Variants in CACNA2D3 observed in about 807,000 individuals in gnomAD.
CACNA2D3 encodes calcium voltage-gated channel auxiliary subunit alpha2delta 3.
CACNA2D3 carries 60 observed loss-of-function variants against 160.6 expected under a neutral mutation model. The ratio of observed to expected loss-of-function variants is 0.37; its 90% confidence interval spans 0.30 to 0.46. The LOEUF is 0.46. Ranked by LOEUF, CACNA2D3 falls within the 20% of genes least tolerant of loss-of-function variation. The pLI is 1.00. For synonymous variants in CACNA2D3, 558 were observed against 492.9 expected (o/e 1.13, Z -1.75); for missense variants, 1,205 against 1,365.0 (o/e 0.88, Z 1.85).
At chr3:54,691,115 T>C (rs1700562463) in intron 11 of CACNA2D3, among the ~76,000 whole-genome samples, 1 of 152,152 alleles carries the variant, frequency 6.6e-6, no homozygotes, top group Non-Finnish European at 1.5e-5. Context: ...TTGTCAGTTC[T>C]TAGGAGAAGA....
chr3:54,683,962 CTTTTTTTTT>C (rs61481695), intron 11 of CACNA2D3, among the ~76,000 whole-genome samples: 53,470 of 111,536 alleles, frequency 0.48, 12,243 homozygotes, highest in Middle Eastern at 0.56. Flanking sequence ...AAATTTCCAC[CTTTTTTTTT>C]TTTTTTTTTT....
At chr3:54,893,667 G>A (rs555903046) in intron 25 of CACNA2D3, among the ~76,000 whole-genome samples, 1 of 152,188 alleles carries the variant, frequency 6.6e-6, no homozygotes, top group East Asian at 1.9e-4. Flanking sequence ...TTGCTACCCT[G>A]CAATTATCTC....
chr3:54,522,595 TTCCAGAGACTGG>T (rs1161869809), intron 5 of CACNA2D3, among the ~76,000 whole-genome samples: 1 of 152,198 alleles, frequency 6.6e-6, no homozygotes, highest in Admixed American at 6.5e-5. Flanking sequence ...TTGCTCATAG[TTCCAGAGACTGG>T]GAAGTCCAAG....
chr3:54,493,221 G>A (rs986673761), intron 4 of CACNA2D3, among the ~76,000 whole-genome samples: 2 of 151,720 alleles, frequency 1.3e-5, no homozygotes, highest in Admixed American at 6.6e-5. Flanking sequence ...GGGACTACAG[G>A]CGCACACTAC....
In CACNA2D3 at chr3:54,977,465, T is replaced by C. The variant is rs934859964; in HGVS notation, c.2557-7143T>C. On this transcript the variant is annotated intron_variant, in intron 29 of 37. Coordinates refer to ENST00000474759, the MANE Select transcript of CACNA2D3 (RefSeq NM_018398.3). ...TGTACCTGTATTGCATTGCTCAATA[T>C]TTACAGTATTAGGCAAACAGAAAGA... is the stretch of plus-strand genomic sequence containing the variant. 2.0e-5 allele frequency among the ~76,000 whole-genome samples: 3 copies of C among 152,196 alleles called. No individual in the cohort carries two copies. The South Asian group carries it at 6.2e-4, about 32-fold the overall frequency.
At chr3:54,151,174 GGTGGATGGGTGA>G (rs938962843) in intron 2 of CACNA2D3, among the ~76,000 whole-genome samples, 1 of 152,086 alleles carries the variant, frequency 6.6e-6, no homozygotes. Context: ...TGGGTTAATG[GGTGGATGGGTGA>G]ATGGATGGGT....
chr3:54,607,685 A>C (rs1487111024), intron 9 of CACNA2D3, among the ~76,000 whole-genome samples: 1 of 152,202 alleles, frequency 6.6e-6, no homozygotes, highest in Non-Finnish European at 1.5e-5. Context: ...AAACATATGG[A>C]TACTGTATGA....
chr3:54,926,755 G>A (rs1259071935), intron 27 of CACNA2D3, among the ~76,000 whole-genome samples: 1 of 152,116 alleles, frequency 6.6e-6, no homozygotes, highest in African/African-American at 2.4e-5. Context: ...ACTCTTATGA[G>A]GGGTAGTTGA....
chr3:55,055,914 A>G (rs1185802680), intron 35 of CACNA2D3, among the ~76,000 whole-genome samples: 1 of 152,170 alleles, frequency 6.6e-6, no homozygotes, highest in Non-Finnish European at 1.5e-5. Flanking sequence ...TTGACCCCAA[A>G]AGCATAGGCA....
At chr3:54,203,899 G>A (rs962897802) in intron 2 of CACNA2D3, among the ~76,000 whole-genome samples, 14 of 151,792 alleles carry the variant, frequency 9.2e-5, no homozygotes, top group Non-Finnish European at 1.8e-4. Context: ...GGCTAGGGTC[G>A]TCTTGGAAAA....
chr3:54,817,099 G>C (rs1470182265), intron 14 of CACNA2D3, among the ~76,000 whole-genome samples: 1 of 152,202 alleles, frequency 6.6e-6, no homozygotes, highest in African/African-American at 2.4e-5. Flanking sequence ...TGATTGGGAG[G>C]TGAATCTGTG....
At chr3:54,291,016 C>A (rs989410842) in intron 2 of CACNA2D3, among the ~76,000 whole-genome samples, 1 of 152,158 alleles carries the variant, frequency 6.6e-6, no homozygotes, top group East Asian at 1.9e-4. Flanking sequence ...ATGTAACAAC[C>A]CTGCACGTTG....
Position 54,837,151 on chromosome 3 carries a change from C to T in CACNA2D3, c.1399-8C>T. 2 of 1,613,672 alleles carry T rather than the reference C, an allele frequency of 1.2e-6. No individual in the cohort carries two copies. Among genetic ancestry groups the T allele is most frequent in the Middle Eastern group, 1.6e-4 (1 of 6,062 alleles). On this transcript the variant is annotated splice_region_variant and splice_polypyrimidine_tract_variant and intron_variant, in intron 14 of 37. Transcript: ENST00000474759. ...TTCCCCGGTAACTGGCTTTTCTCTT[C>T]CATCCAGCTGACTGATGATCAGGGC...
At chr3:54,256,709 G>A (rs543416168) in intron 2 of CACNA2D3, among the ~76,000 whole-genome samples, 44 of 140,708 alleles carry the variant, frequency 3.1e-4, no homozygotes, top group African/African-American at 1.0e-3. Flanking sequence ...TCGAAATAAA[G>A]CATGTTCTTC....
At chr3:54,456,029 T>A (rs1157541779) in intron 4 of CACNA2D3, among the ~76,000 whole-genome samples, 1 of 152,146 alleles carries the variant, frequency 6.6e-6, no homozygotes, top group African/African-American at 2.4e-5. Flanking sequence ...CTTTGGATAT[T>A]CAGACTCTTA....
At chr3:55,073,700 T>C (rs367567587) in intron 36 of CACNA2D3, 77 bp from the exon 37 acceptor site, 7 of 1,335,104 alleles carry the variant, frequency 5.2e-6, no homozygotes, top group East Asian at 4.7e-5. Flanking sequence ...AAGAGAGTTG[T>C]CATTGCCAAA....
chr3:54,271,642 C>T (rs1178423735), intron 2 of CACNA2D3, among the ~76,000 whole-genome samples: 2 of 152,042 alleles, frequency 1.3e-5, no homozygotes, highest in East Asian at 3.9e-4. Context: ...CTTAATTTCT[C>T]ATTTGAGCCC....
In CACNA2D3 at chr3:55,007,746, G is replaced by A. The variant is rs773707684; in HGVS notation, c.2767-44G>A. 9 of 1,277,610 alleles carry A rather than the reference G, an allele frequency of 7.0e-6. No homozygotes were observed. The South Asian group carries it at 1.1e-4, about 16-fold the overall frequency. The allele number at this position is 1,277,610 out of a possible 1,614,324, so 79.1% of individuals were successfully genotyped here. On this transcript the variant is annotated intron_variant, in intron 32 of 37. Coordinates refer to ENST00000474759, the MANE Select transcript of CACNA2D3 (RefSeq NM_018398.3). Reference sequence around the variant, plus strand: ...AGCCCTAAATTAAGCTACAAATTTTGTGTGCACTACATTGTTTTTAATGAA... The same window carrying A: ...AGCCCTAAATTAAGCTACAAATTTTATGTGCACTACATTGTTTTTAATGAA...
chr3:54,901,094 TGGGAGACG>T, intron 27 of CACNA2D3: 1 of 152,300 alleles, frequency 6.6e-6, no homozygotes, highest in Admixed American at 6.5e-5. Context: ...TTGAGGAAAG[TGGGAGACG>T]GGATCATTTA....
Sources: allele counts gnomAD v4.1 joint callset (sites outside exome capture counted in the v4.1 genomes callset), GRCh38; gene constraint gnomAD v4.1.1; transcripts MANE v1.5; gene names NCBI Gene and HGNC (gene_info 2026-07-23, HGNC 2026-07-21).